NXPE2: variants seen among roughly 807,000 people sequenced by gnomAD.
NXPE2 encodes neurexophilin and PC-esterase domain family member 2.
In NXPE2, 34 loss-of-function variants were observed where a neutral mutation model predicts 34.4. The observed-to-expected ratio is 0.99, with a 90% CI of 0.75 to 1.31. NXPE2 has a LOEUF of 1.31. Among genes scored for constraint, NXPE2 ranks in the 40% most tolerant of loss-of-function variants. NXPE2 has a pLI of 0.00. For missense variants in NXPE2, 649 were observed against 672.5 expected (o/e 0.97, Z 0.39); for synonymous variants, 235 against 231.3 (o/e 1.02, Z -0.15).
At chr11:114,806,285 C>T in the NXPE2 span, among the ~76,000 whole-genome samples, 79,453 of 151,904 alleles carry the variant, frequency 0.52, 22,934 homozygotes, top group Non-Finnish European at 0.65. Flanking sequence ...AAAATCAGAG[C>T]GCCTCTCCTC....
chr11:114,811,081 A>G, the NXPE2 span, among the ~76,000 whole-genome samples: 1 of 151,288 alleles, frequency 6.6e-6, no homozygotes, highest in Non-Finnish European at 1.5e-5. Flanking sequence ...AAACTATCAC[A>G]AGGACAAAAA....
chr11:114,602,783 G>A, the NXPE2 span, among the ~76,000 whole-genome samples: 1 of 142,222 alleles, frequency 7.0e-6, no homozygotes, highest in Non-Finnish European at 1.5e-5. Context: ...ACAGAATAAT[G>A]TATAATAATT....
At chr11:114,574,839 A>G in the NXPE2 span, among the ~76,000 whole-genome samples, 7 of 152,254 alleles carry the variant, frequency 4.6e-5, no homozygotes, top group Non-Finnish European at 8.8e-5. Flanking sequence ...AAATAATTCT[A>G]TAAAGCCAGT....
chr11:114,530,342 C>G, the NXPE2 span: 2 of 1,614,200 alleles, frequency 1.2e-6, no homozygotes, highest in Non-Finnish European at 1.7e-6. Context: ...AGTTTAGGGT[C>G]AGGCCACATT....
rs181383151 is a variant in NXPE2, at chr11:114,701,596, G to A, written c.867-2395G>A. Among the ~76,000 whole-genome samples the A allele has an allele frequency of 5.9e-4, 90 of 152,258 alleles. 1 individual carries two copies. Among genetic ancestry groups the A allele is most frequent in the Admixed American group, 3.6e-3 (55 of 15,298 alleles). The stretch of plus-strand genomic sequence containing the variant: ...TCTCCCTACAGGTGATGTAGTGCAT[G>A]TGCAAGGAACAGCTGATTACACATC... On this transcript the variant is annotated intron_variant, in intron 3 of 5. Coordinates refer to ENST00000389586, the MANE Select transcript of NXPE2 (RefSeq NM_182495.6).
At chr11:114,624,254 C>T in the NXPE2 span, among the ~76,000 whole-genome samples, 20 of 151,628 alleles carry the variant, frequency 1.3e-4, no homozygotes, top group Non-Finnish European at 2.1e-4. Flanking sequence ...CACTGTGACC[C>T]GGTGGATAAT....
the NXPE2 span, among the ~76,000 whole-genome samples, chr11:114,613,639 A>T: frequency 2.6e-5 from 4 of 151,598 alleles, no homozygotes; most frequent in Admixed American, 6.6e-5. Flanking sequence ...CTGGATAACA[A>T]GTGTTGCCTT....
At chr11:114,623,271 G>A in the NXPE2 span, among the ~76,000 whole-genome samples, 8 of 152,014 alleles carry the variant, frequency 5.3e-5, no homozygotes, top group South Asian at 1.2e-3. Flanking sequence ...ATATTGCCTC[G>A]TGGGTGACAA....
intron 2 of NXPE2, among the ~76,000 whole-genome samples, chr11:114,695,352 C>T (rs180719781): frequency 3.9e-5 from 6 of 152,226 alleles, no homozygotes; most frequent in Admixed American, 3.9e-4. Flanking sequence ...TGAGCTTGTG[C>T]CCTTAAATCG....
the NXPE2 span, among the ~76,000 whole-genome samples, chr11:114,719,319 G>A: frequency 6.6e-6 from 1 of 152,100 alleles, no homozygotes; most frequent in Non-Finnish European, 1.5e-5. Flanking sequence ...ACCATTCTAG[G>A]AAACAAGAGA....
At chr11:114,595,037 A>G in the NXPE2 span, among the ~76,000 whole-genome samples, 1 of 152,270 alleles carries the variant, frequency 6.6e-6, no homozygotes, top group East Asian at 1.9e-4. Flanking sequence ...AAGGGCCTGA[A>G]GGATGCAAGC....
chr11:114,505,579 T>A, the NXPE2 span, among the ~76,000 whole-genome samples: 5 of 152,108 alleles, frequency 3.3e-5, no homozygotes, highest in Non-Finnish European at 5.9e-5. Flanking sequence ...ATTCAAAATT[T>A]CTTAAAGAAA....
chr11:114,739,875 T>C, the NXPE2 span, among the ~76,000 whole-genome samples: 1 of 152,206 alleles, frequency 6.6e-6, no homozygotes, highest in Non-Finnish European at 1.5e-5. Context: ...CTTAGCCTGA[T>C]GTTCTTCAGA....
chr11:114,709,251 A>G (rs1287579042), downstream of NXPE2, among the ~76,000 whole-genome samples: 1 of 152,246 alleles, frequency 6.6e-6, no homozygotes, highest in Non-Finnish European at 1.5e-5. Flanking sequence ...TCTTCTCTAG[A>G]AAGTATTTTT....
chr11:114,632,990 A>G, the NXPE2 span, among the ~76,000 whole-genome samples: 1 of 104,102 alleles, frequency 9.6e-6, no homozygotes, highest in Non-Finnish European at 1.7e-5. Flanking sequence ...ATATTTTTAT[A>G]TAATATATAA....
chr11:114,659,875 G>A, the NXPE2 span, among the ~76,000 whole-genome samples: 2 of 152,080 alleles, frequency 1.3e-5, no homozygotes, highest in South Asian at 2.1e-4. Context: ...GTAAATCAAC[G>A]AAACAAAGCT....
At chr11:114,800,385 G>A in the NXPE2 span, among the ~76,000 whole-genome samples, 74 of 152,282 alleles carry the variant, frequency 4.9e-4, no homozygotes, top group Non-Finnish European at 7.5e-4. Context: ...CTAAAGCTAC[G>A]CTACAATAAA....
the NXPE2 span, among the ~76,000 whole-genome samples, chr11:114,632,127 A>G: frequency 3.5e-5 from 5 of 144,306 alleles, no homozygotes; most frequent in East Asian, 3.9e-4. Flanking sequence ...ATATTATAAT[A>G]AAATATATTA....
At chr11:114,576,860 T>A in the NXPE2 span, among the ~76,000 whole-genome samples, 2 of 151,232 alleles carry the variant, frequency 1.3e-5, no homozygotes, top group Non-Finnish European at 3.0e-5. Flanking sequence ...GGAAGAAAAG[T>A]CATTATACGA....
Sources: gnomAD v4.1 joint callset for allele counts (sites outside exome capture counted in the v4.1 genomes callset) on GRCh38, gnomAD v4.1.1 for gene constraint, MANE v1.5 for transcripts, NCBI Gene and HGNC (gene_info 2026-07-23, HGNC 2026-07-21) for gene names.